The following CEP126 variants were observed in gnomAD, a reference collection of about 807,000 sequenced individuals.
CEP126 encodes centrosomal protein of 126 kDa.
Under a neutral mutation model 107.8 loss-of-function variants are expected in CEP126, and 74 were observed. That is an observed-to-expected ratio of 0.69 (90% CI 0.57 to 0.83). CEP126 has a LOEUF of 0.83. Among genes scored for constraint, CEP126 ranks in the 40% least tolerant of loss-of-function variants. The probability of loss-of-function intolerance (pLI) is 0.00; values close to 1 mark genes in which losing one functional copy is unlikely to be tolerated. For missense variants in CEP126, 1,237 were observed against 1,281.9 expected (o/e 0.96, Z 0.53); for synonymous variants, 449 against 446.0 (o/e 1.01, Z -0.08).
intron 2 of CEP126, among the ~76,000 whole-genome samples, chr11:101,930,586 T>A (rs1015774926): frequency 1.2e-4 from 18 of 152,106 alleles, no homozygotes; most frequent in Admixed American, 6.5e-5. Context: ...CCCCAACGGG[T>A]TGCCCCTGCT....
intron 2 of CEP126, among the ~76,000 whole-genome samples, chr11:101,932,087 A>G (rs547006394): frequency 3.3e-5 from 5 of 152,128 alleles, no homozygotes; most frequent in South Asian, 4.1e-4. Flanking sequence ...TACTTTCTCA[A>G]CTCTGAATTC....
intron 8 of CEP126, 82 bp from the exon 9 acceptor site, chr11:101,986,750 G>T: frequency 1.1e-6 from 1 of 934,078 alleles, no homozygotes; most frequent in South Asian, 1.4e-5. Flanking sequence ...AGTTAAGCAT[G>T]TATAAGTATA....
chr11:101,930,421 G>A (rs1263668643), intron 2 of CEP126, among the ~76,000 whole-genome samples: 2 of 152,044 alleles, frequency 1.3e-5, no homozygotes, highest in African/African-American at 2.4e-5. Context: ...TGTCCCTTCT[G>A]GTGGGTTCGT....
chr11:101,991,680 A>T (rs1254792046), intron 9 of CEP126, among the ~76,000 whole-genome samples: 2 of 152,234 alleles, frequency 1.3e-5, no homozygotes. Context: ...GACACCACTG[A>T]GGAATCAGTG....
rs972914108 is a variant in CEP126 at position 101,978,423 on chromosome 11, T to C, written c.2922T>C (p.Pro974=). 3.2e-5 allele frequency: 51 copies of C among 1,612,864 alleles called. No homozygotes were observed. Among genetic ancestry groups the C allele is most frequent in the Non-Finnish European group, 4.0e-5 (47 of 1,179,104 alleles). ...TTTTAGAGCAGAAAAGACAAAACCC[T>C]GGATCTGTAGGACAGAAGTACAGTG... is the stretch of plus-strand genomic sequence containing the variant. ...RNILEQKRQN[P]GSVGQKYSEQ... The change falls in exon 7 of 11, where the codon CCT becomes CCC. Residue 974 remains proline, a synonymous_variant. Coordinates refer to ENST00000263468, the MANE Select transcript of CEP126 (RefSeq NM_020802.4).
chr11:101,915,130 C>G lies in CEP126; in HGVS notation c.-155C>G, dbSNP rs1940171933. Reference sequence around the variant, plus strand: ...CGCTACAGGCACCAGTGCCGCTGCGCGGGAGCTAGGGCTGTCGAGGCCAAC... The same window carrying G: ...CGCTACAGGCACCAGTGCCGCTGCGGGGGAGCTAGGGCTGTCGAGGCCAAC... On this transcript the variant is annotated 5_prime_UTR_variant, in exon 1 of 11. Coordinates refer to ENST00000263468, the MANE Select transcript of CEP126 (RefSeq NM_020802.4). The G allele has an allele frequency of 8.7e-7, 1 of 1,145,520 alleles. No individual in the cohort carries two copies. The highest frequency in any genetic ancestry group is 1.2e-6 in the Non-Finnish European group (1 of 830,042). The allele number at this position is 1,145,520 out of a possible 1,614,324, so 71.0% of individuals were successfully genotyped here.
chr11:101,997,152 C>T (rs1941451510), intron 10 of CEP126, among the ~76,000 whole-genome samples: 1 of 152,194 alleles, frequency 6.6e-6, no homozygotes, highest in African/African-American at 2.4e-5. Flanking sequence ...ATTCTCCTGC[C>T]TCAGCCTCCC....
At chr11:101,933,891 C>G (rs1940538844) in intron 2 of CEP126, among the ~76,000 whole-genome samples, 1 of 149,284 alleles carries the variant, frequency 6.7e-6, no homozygotes, top group Non-Finnish European at 1.5e-5. Context: ...TCCTAGAACC[C>G]CAAGTTGAGG....
At chr11:101,956,382 C>T in intron 4 of CEP126, 1 of 456,336 alleles carries the variant, frequency 2.2e-6, no homozygotes, top group South Asian at 1.5e-5. Context: ...CCGTTGCCTG[C>T]ACATCCTGCT....
In CEP126 at chr11:101,989,489, ATAT is replaced by A. The variant is rs371827540; in HGVS notation, c.3244+2452_3244+2454del. On this transcript the variant is annotated intron_variant, in intron 9 of 10. Coordinates refer to ENST00000263468, the MANE Select transcript of CEP126 (RefSeq NM_020802.4). Reference sequence around the variant, plus strand: ...TCACCTATGGTTCAGAACCACACACATATTATACGTATATATTTTGTGTGTGTG... The same window carrying A: ...TCACCTATGGTTCAGAACCACACACATATACGTATATATTTTGTGTGTGTG... Among the ~76,000 whole-genome samples, 62 of 152,324 alleles carry A rather than the reference ATAT, an allele frequency of 4.1e-4. No homozygotes were observed. The East Asian group carries it at 0.011, about 27-fold the overall frequency.
At chr11:101,951,218 T>C (rs1040600541) in intron 4 of CEP126, among the ~76,000 whole-genome samples, 2 of 152,094 alleles carry the variant, frequency 1.3e-5, no homozygotes. Context: ...AGAATTGAAG[T>C]ATAGGCTGGG....
chr11:101,947,755 G>A lies in CEP126; in HGVS notation c.395-276G>A, dbSNP rs537051215. 3.3e-5 allele frequency among the ~76,000 whole-genome samples: 5 copies of A among 152,110 alleles called. No homozygotes were observed. The East Asian group carries it at 9.6e-4, about 29-fold the overall frequency. The stretch of plus-strand genomic sequence containing the variant: ...TATGGCACTATGAGATCAAATATAG[G>A]GGAGTTTGCATGCCAGGAATGAAGA... On this transcript the variant is annotated intron_variant, in intron 3 of 10. Coordinates refer to ENST00000263468, the MANE Select transcript of CEP126 (RefSeq NM_020802.4).
At position 101,998,927 on chromosome 11, in the gene CEP126, T is replaced by C. The variant is rs914886737; in HGVS notation, c.*1284T>C. On this transcript the variant is annotated 3_prime_UTR_variant, in exon 11 of 11. Coordinates refer to ENST00000263468, the MANE Select transcript of CEP126 (RefSeq NM_020802.4). ...TTATCTAGTTCCAAAACCCATGTTC[T>C]TTCTGCCACACCATGTTAGTAGAAA... 1 of 152,154 alleles carries C rather than the reference T, an allele frequency of 6.6e-6. No homozygotes were observed. Among genetic ancestry groups the C allele is most frequent in the African/African-American group, 2.4e-5 (1 of 41,440 alleles). The allele number at this position is 152,154 out of a possible 1,614,324, so 9.4% of individuals were successfully genotyped here.
At chr11:101,976,516 T>C (rs1591291085) in intron 6 of CEP126, among the ~76,000 whole-genome samples, 1 of 152,326 alleles carries the variant, frequency 6.6e-6, no homozygotes, top group South Asian at 2.1e-4. Context: ...TCTTGAAAGG[T>C]AAAGGCTTTT....
rs116671979 is a variant in CEP126 at position 101,980,669 on chromosome 11, G to A, written c.2959-1220G>A. On this transcript the variant is annotated intron_variant, in intron 7 of 10. Coordinates refer to ENST00000263468, the MANE Select transcript of CEP126 (RefSeq NM_020802.4). Reference sequence around the variant, plus strand: ...GTTTTTTATTCCAGAGCCTAAGCAAGGGTTCAGTCACTAGAACAGTGGCCC... The same window carrying A: ...GTTTTTTATTCCAGAGCCTAAGCAAAGGTTCAGTCACTAGAACAGTGGCCC... Among the ~76,000 whole-genome samples, 565 of 152,268 alleles carry A rather than the reference G, an allele frequency of 3.7e-3. 4 individuals carry two copies. Among genetic ancestry groups the A allele is most frequent in the African/African-American group, 0.013 (538 of 41,550 alleles).
chr11:101,955,747 G>A, intron 4 of CEP126: 2 of 382,852 alleles, frequency 5.2e-6, no homozygotes, highest in Middle Eastern at 3.7e-4. Flanking sequence ...TCTTAATAAG[G>A]CTGTCTCTCT....
intron 6 of CEP126, among the ~76,000 whole-genome samples, chr11:101,969,745 T>A (rs1941103583): frequency 6.6e-6 from 1 of 152,208 alleles, no homozygotes; most frequent in Admixed American, 6.5e-5. Flanking sequence ...AATATGGCAT[T>A]TTTACAGGAT....
chr11:101,995,153 T>A (rs1183851156), intron 10 of CEP126, among the ~76,000 whole-genome samples: 1 of 152,212 alleles, frequency 6.6e-6, no homozygotes, highest in Non-Finnish European at 1.5e-5. Flanking sequence ...AATCTTTTTT[T>A]TTATTTTTTG....
chr11:101,970,040 C>G (rs1565364689), intron 6 of CEP126, among the ~76,000 whole-genome samples: 1 of 152,050 alleles, frequency 6.6e-6, no homozygotes. Flanking sequence ...TTTAAAAGAA[C>G]AAACCACTAA....
Sources: gnomAD v4.1 joint callset for allele counts (sites outside exome capture counted in the v4.1 genomes callset) on GRCh38, gnomAD v4.1.1 for gene constraint, MANE v1.5 for transcripts, NCBI Gene and HGNC (gene_info 2026-07-23, HGNC 2026-07-21) for gene names.